Variants in PPP1R2 observed in about 807,000 individuals in gnomAD.
PPP1R2 encodes protein phosphatase 1 regulatory inhibitor subunit 2.
A neutral mutation model predicts 29.9 loss-of-function variants in PPP1R2; 16 were observed. The observed-to-expected ratio is 0.53, with a 90% CI of 0.36 to 0.81. The LOEUF is 0.81. Among genes scored for constraint, PPP1R2 ranks in the 30% least tolerant of loss-of-function variants. The pLI is 0.00. For missense variants in PPP1R2, 197 were observed against 252.7 expected (o/e 0.78, Z 1.49); for synonymous variants, 76 against 91.5 (o/e 0.83, Z 0.96).
chr3:195,527,855 G>A (rs371687359), intron 2 of PPP1R2: 1 of 364,824 alleles, frequency 2.7e-6, no homozygotes. Flanking sequence ...GGGCAACATA[G>A]CCAGATCTTG....
At chr3:195,542,838 G>A (rs888287986) in intron 1 of PPP1R2, 66 bp downstream of exon 1, 30 of 1,496,388 alleles carry the variant, frequency 2.0e-5, no homozygotes, top group Non-Finnish European at 2.6e-5. Flanking sequence ...CCCGCCCCTG[G>A]GGTCTGGGTA....
chr3:195,534,733 G>A (rs116435760), intron 1 of PPP1R2, among the ~76,000 whole-genome samples: 2,986 of 152,088 alleles, frequency 0.02, 98 homozygotes, highest in African/African-American at 0.069. Context: ...TTACTCCATC[G>A]CCCAGGCTGG....
chr3:195,521,989 G>A (rs75935408), intron 4 of PPP1R2, among the ~76,000 whole-genome samples: 7,291 of 152,094 alleles, frequency 0.048, 289 homozygotes, highest in South Asian at 0.17. Context: ...CATTTAAAAA[G>A]GTTAAGGCAG....
Position 195,521,167 on chromosome 3 carries a change from T to C in PPP1R2, c.404-1982A>G, listed in dbSNP as rs752488930. On this transcript the variant is annotated intron_variant, in intron 4 of 5. Coordinates refer to ENST00000618156, the MANE Select transcript of PPP1R2 (RefSeq NM_006241.8). ...CGTCTCTACTGAAAATACAAAAAAT[T>C]TGCTGGGCGTGGTGGCACACGTCTG... 1.6e-4 allele frequency among the ~76,000 whole-genome samples: 24 copies of C among 151,520 alleles called. No homozygotes were observed. In the East Asian group the frequency reaches 4.7e-3, roughly 29 times the overall value.
chr3:195,520,774 C>T (rs972426151), intron 4 of PPP1R2, among the ~76,000 whole-genome samples: 4 of 152,054 alleles, frequency 2.6e-5, no homozygotes, highest in African/African-American at 9.7e-5. Flanking sequence ...CTACCTCAGC[C>T]TCCCAAGTAA....
rs771672225 is a variant in PPP1R2, at chr3:195,542,964, G to T, written c.62C>A (p.Thr21Lys). ...IKGILKNKTS[T>K]TSSMVASAEQ... The stretch of plus-strand genomic sequence containing the variant: ...GGCCGACGCCACCATAGAGGAAGTC[G>T]TAGAGGTCTTGTTCTTCAAGATCCC... The change falls in exon 1 of 6, where the codon ACG becomes AAG. Residue 21 changes from threonine to lysine, a missense_variant. Physicochemically the swap from Thr to Lys is moderately conservative, Grantham distance 78 (BLOSUM62 -1). This residue lies in a region of PPP1R2 where 54 missense variants were observed against 60.6 expected (regional missense o/e 0.89). Transcript: ENST00000618156. 8 of 1,603,312 alleles carry T rather than the reference G, an allele frequency of 5.0e-6. No individual in the cohort carries two copies. Among genetic ancestry groups the T allele is most frequent in the Non-Finnish European group, 6.8e-6 (8 of 1,174,838 alleles).
intron 5 of PPP1R2, among the ~76,000 whole-genome samples, chr3:195,517,457 C>G (rs189831078): frequency 8.4e-4 from 128 of 152,170 alleles, no homozygotes; most frequent in African/African-American, 2.9e-3. Context: ...ACTTATTTCC[C>G]TAAGTCTTAT....
At chr3:195,519,897 A>G (rs1718685617) in intron 4 of PPP1R2, among the ~76,000 whole-genome samples, 2 of 143,796 alleles carry the variant, frequency 1.4e-5, no homozygotes, top group Admixed American at 1.5e-4. Flanking sequence ...AAGGTTTTTA[A>G]CTTCCTTAGA....
intron 1 of PPP1R2, among the ~76,000 whole-genome samples, chr3:195,541,455 CTTTTTTTTTTTT>C (rs553981950): frequency 0.026 from 2,572 of 99,340 alleles, 101 homozygotes; most frequent in African/African-American, 0.094. Context: ...CTTTTCTTTC[CTTTTTTTTTTTT>C]TTTTTTTTTT....
rs191478906 is a variant in PPP1R2, at chr3:195,518,634, G to A, written c.571+384C>T. 5.2e-3 allele frequency among the ~76,000 whole-genome samples: 755 copies of A among 146,248 alleles called. 5 individuals are homozygous for A. Among genetic ancestry groups the A allele is most frequent in the Non-Finnish European group, 8.3e-3 (555 of 67,256 alleles). On this transcript the variant is annotated intron_variant, in intron 5 of 5. Transcript: ENST00000618156. Reference sequence around the variant, plus strand: ...CCACTGCACTCCAGCCTGGGTGACAGAGCGAGACTCTGTCTCAAAAAAAAA... The same window carrying A: ...CCACTGCACTCCAGCCTGGGTGACAAAGCGAGACTCTGTCTCAAAAAAAAA...
At chr3:195,523,592 G>A (rs1219473626) in intron 4 of PPP1R2, 100 bp downstream of exon 4, 3 of 882,956 alleles carry the variant, frequency 3.4e-6, no homozygotes, top group Non-Finnish European at 5.5e-6. Context: ...TCCCCTGTGT[G>A]TCCCCAAAAT....
At chr3:195,528,240 C>G (rs1486709958) in intron 2 of PPP1R2, among the ~76,000 whole-genome samples, 1 of 152,162 alleles carries the variant, frequency 6.6e-6, no homozygotes. Context: ...GTCTGGTTTT[C>G]CATTCCTGGG....
chr3:195,538,415 G>C (rs1421617299), intron 1 of PPP1R2, among the ~76,000 whole-genome samples: 1 of 152,178 alleles, frequency 6.6e-6, no homozygotes, highest in Non-Finnish European at 1.5e-5. Flanking sequence ...AACTTATATA[G>C]ATTGACACAA....
Position 195,543,292 on chromosome 3 carries a change from G to A in PPP1R2, c.-267C>T, listed in dbSNP as rs1415324461. ...CGGCTCGCGGAGAGACGCCGGCCTA[G>A]AGCTCCAGCGCAGGAGCGACGCGAC... On this transcript the variant is annotated 5_prime_UTR_variant, in exon 1 of 6. Transcript: ENST00000618156. The A allele has an allele frequency of 6.0e-6, 2 of 333,982 alleles. No individual in the cohort carries two copies. The highest frequency in any genetic ancestry group is 5.0e-5 in the Admixed American group (1 of 19,898). The allele number at this position is 333,982 out of a possible 1,614,324, so 20.7% of individuals were successfully genotyped here. A position where few individuals can be genotyped will look rare whatever the true frequency, so the allele number is the denominator to read the frequency against.
chr3:195,529,305 G>C (rs894010177), intron 2 of PPP1R2: 2 of 152,236 alleles, frequency 1.3e-5, no homozygotes, highest in African/African-American at 4.8e-5. Flanking sequence ...GAAATTCTGA[G>C]ACTTGAAATT....
intron 4 of PPP1R2, among the ~76,000 whole-genome samples, chr3:195,521,065 CAGCACTTTGGG>C (rs1284973126): frequency 6.6e-6 from 1 of 152,022 alleles, no homozygotes; most frequent in Admixed American, 6.5e-5. Flanking sequence ...CCTGTAATCC[CAGCACTTTGGG>C]AGGCCGAGGA....
chr3:195,532,698 C>T (rs73196133), intron 1 of PPP1R2, among the ~76,000 whole-genome samples: 40,413 of 151,802 alleles, frequency 0.27, 6,367 homozygotes, highest in Admixed American at 0.45. Flanking sequence ...CACTTATATG[C>T]GGATTTTTTT....
chr3:195,528,001 A>ATT, intron 2 of PPP1R2: 2 of 292,242 alleles, frequency 6.8e-6, no homozygotes, highest in Non-Finnish European at 1.3e-5. Context: ...CCCTCAATTT[A>ATT]TTTTTACTTC....
rs896107038 is a variant in PPP1R2, at chr3:195,516,712, A to G, written c.*184T>C. ...GTGGTAAAGTACTAGGCACAAGAAT[A>G]TATATATCGATTAGGCATTTTCAGT... On this transcript the variant is annotated 3_prime_UTR_variant, in exon 6 of 6. Coordinates refer to ENST00000618156, the MANE Select transcript of PPP1R2 (RefSeq NM_006241.8). The G allele has an allele frequency of 3.3e-5, 19 of 584,470 alleles. No homozygotes were observed. The highest frequency in any genetic ancestry group is 2.8e-4 in the African/African-American group (15 of 53,762). 36.2% of individuals were successfully genotyped at this position (584,470 alleles called of 1,614,324 possible).
Sources: allele counts gnomAD v4.1 joint callset (sites outside exome capture counted in the v4.1 genomes callset), GRCh38; gene constraint gnomAD v4.1.1; regional missense constraint gnomAD v4.1.1; transcripts MANE v1.5; gene names NCBI Gene and HGNC (gene_info 2026-07-23, HGNC 2026-07-21).